Variants in ARMC2 observed in about 807,000 individuals in gnomAD.
ARMC2 encodes armadillo repeat-containing protein 2.
ARMC2 carries 67 observed loss-of-function variants against 90.3 expected under a neutral mutation model. The ratio of observed to expected loss-of-function variants is 0.74; its 90% confidence interval spans 0.61 to 0.91. The LOEUF (loss-of-function observed/expected upper bound fraction) is 0.91, where lower values mean the gene tolerates loss of function less well. Ranked by LOEUF, ARMC2 falls within the 40% of genes least tolerant of loss-of-function variation. The pLI is 0.00. For synonymous variants in ARMC2, 393 were observed against 393.0 expected, an observed-to-expected ratio of 1.00 and a Z score of 0.00; for missense variants, 920 against 1,030.9, an observed-to-expected ratio of 0.89 and a Z score of 1.47.
At chr6:108,853,370 C>T (rs561450206) in intron 1 of ARMC2, among the ~76,000 whole-genome samples, 1 of 152,208 alleles carries the variant, frequency 6.6e-6, no homozygotes, top group African/African-American at 2.4e-5. Flanking sequence ...GGGCATGTGT[C>T]ACAAAGCAGT....
the ARMC2 span, among the ~76,000 whole-genome samples, chr6:109,052,632 G>A: frequency 1.3e-5 from 2 of 152,058 alleles, no homozygotes; most frequent in East Asian, 3.8e-4. Context: ...CATTCCAAAA[G>A]GCCTGAAAAC....
intron 5 of ARMC2, chr6:108,879,915 C>T (rs1297942802): frequency 1.3e-5 from 6 of 470,300 alleles, no homozygotes; most frequent in Non-Finnish European, 2.6e-5. Flanking sequence ...CTTTTACTCC[C>T]ATCTCCTTCT....
chr6:108,963,582 G>T (rs1048908636), intron 15 of ARMC2, among the ~76,000 whole-genome samples: 3 of 152,218 alleles, frequency 2.0e-5, no homozygotes, highest in Non-Finnish European at 2.9e-5. Flanking sequence ...CCTTTGCTCA[G>T]CGTCTGCTGA....
At chr6:109,036,127 C>T in the ARMC2 span, among the ~76,000 whole-genome samples, 1 of 152,060 alleles carries the variant, frequency 6.6e-6, no homozygotes, top group Non-Finnish European at 1.5e-5. Flanking sequence ...CCAAGGTACA[C>T]TTAGGAAAGA....
the ARMC2 span, among the ~76,000 whole-genome samples, chr6:109,053,037 A>G: frequency 6.6e-6 from 1 of 151,880 alleles, no homozygotes; most frequent in African/African-American, 2.4e-5. Context: ...GGAGCTGTTC[A>G]AGACTAGGAT....
chr6:108,899,619 G>A (rs1771924342), intron 6 of ARMC2, 75 bp from the exon 7 acceptor site: 5 of 1,070,432 alleles, frequency 4.7e-6, no homozygotes, highest in Non-Finnish European at 5.6e-6. Context: ...GTGATGAATA[G>A]TAAAGGCTTT....
At chr6:108,871,081 G>A (rs900838897) in intron 4 of ARMC2, among the ~76,000 whole-genome samples, 3 of 152,144 alleles carry the variant, frequency 2.0e-5, no homozygotes, top group African/African-American at 7.2e-5. Context: ...AAAATCCATG[G>A]ACCAAGTGTC....
the ARMC2 span, among the ~76,000 whole-genome samples, chr6:109,040,977 A>G: frequency 1.3e-5 from 2 of 152,006 alleles, no homozygotes; most frequent in East Asian, 3.9e-4. Context: ...TTTTAAAATA[A>G]CATACCCTCA....
chr6:109,012,244 CTTTT>C, the ARMC2 span, among the ~76,000 whole-genome samples: 5 of 138,914 alleles, frequency 3.6e-5, no homozygotes, highest in Non-Finnish European at 3.2e-5. Flanking sequence ...TTTGATATTT[CTTTT>C]TTTTTTTTTT....
chr6:108,912,454 A>G lies in ARMC2; in HGVS notation c.1246A>G (p.Ser416Gly), dbSNP rs767513394. Reference sequence around the variant, plus strand: ...TCTGGGATTTCTTAATGAAATGATCAGCAAAGGTGCTGTGGAAATACTGAT... The same window carrying G: ...TCTGGGATTTCTTAATGAAATGATCGGCAAAGGTGCTGTGGAAATACTGAT... ...GNLGFLNEMISKGAVEILINL... is the reference protein window; with the variant it reads ...GNLGFLNEMIGKGAVEILINL... Residue 416 changes from serine to glycine, a missense_variant, in exon 10 of 18, where the codon AGC (serine) becomes GGC (glycine). By Grantham distance (56) the Ser-to-Gly change is moderately conservative (BLOSUM62 0). Coordinates refer to ENST00000392644, the MANE Select transcript of ARMC2 (RefSeq NM_032131.6). 1.2e-6 allele frequency: 2 copies of G among 1,613,926 alleles called. No homozygotes were observed. The highest frequency in any genetic ancestry group is 1.7e-5 in the Admixed American group (1 of 60,026).
At chr6:108,976,503 C>T (rs528987847), downstream of ARMC2, among the ~76,000 whole-genome samples, 2 of 152,148 alleles carry the variant, frequency 1.3e-5, no homozygotes, top group East Asian at 3.9e-4. Context: ...TTTTTGGTTC[C>T]GTATGAAATT....
At chr6:108,869,242 T>C (rs1776139729) in intron 4 of ARMC2, among the ~76,000 whole-genome samples, 1 of 152,210 alleles carries the variant, frequency 6.6e-6, no homozygotes, top group Non-Finnish European at 1.5e-5. Flanking sequence ...GCGCGGTGGC[T>C]CATGCCTGTA....
the ARMC2 span, among the ~76,000 whole-genome samples, chr6:109,020,019 C>A: frequency 1.3e-5 from 2 of 152,096 alleles, no homozygotes; most frequent in Non-Finnish European, 1.5e-5. Context: ...AAGAGCAAAG[C>A]AGAGTCAAAA....
chr6:108,948,901 T>C (rs1776986140), intron 12 of ARMC2, among the ~76,000 whole-genome samples: 1 of 152,148 alleles, frequency 6.6e-6, no homozygotes, highest in Admixed American at 6.5e-5. Context: ...TACCAGGATC[T>C]GATCTAAATC....
chr6:108,929,649 T>G (rs1775369257), intron 11 of ARMC2, among the ~76,000 whole-genome samples: 1 of 152,046 alleles, frequency 6.6e-6, no homozygotes, highest in African/African-American at 2.4e-5. Context: ...TCAGCTAATT[T>G]TATCATTATT....
chr6:108,984,861 C>T, the ARMC2 span, among the ~76,000 whole-genome samples: 26 of 152,188 alleles, frequency 1.7e-4, no homozygotes, highest in East Asian at 2.1e-3. Context: ...CCTTTTGGTG[C>T]GGCCTTTTCC....
At chr6:108,920,355 T>C (rs945544791) in intron 10 of ARMC2, among the ~76,000 whole-genome samples, 1 of 151,964 alleles carries the variant, frequency 6.6e-6, no homozygotes, top group Non-Finnish European at 1.5e-5. Flanking sequence ...ACTTTTTTAA[T>C]GATGTATTTG....
chr6:109,000,638 G>A, the ARMC2 span: 1 of 1,609,468 alleles, frequency 6.2e-7, no homozygotes, highest in Non-Finnish European at 8.5e-7. Context: ...TTACATGCAG[G>A]TTCACTAAGT....
chr6:108,994,312 T>TA, the ARMC2 span: 2 of 552,180 alleles, frequency 3.6e-6, no homozygotes, highest in South Asian at 7.5e-5. Flanking sequence ...TTGCTTGCTT[T>TA]AAAAATTATT....
Sources: gnomAD v4.1 joint callset for allele counts (sites outside exome capture counted in the v4.1 genomes callset) on GRCh38, gnomAD v4.1.1 for gene constraint, MANE v1.5 for transcripts, NCBI Gene and HGNC (gene_info 2026-07-23, HGNC 2026-07-21) for gene names.